The following SNAPC2 variants were observed in gnomAD, a reference collection of about 807,000 sequenced individuals.
SNAPC2 encodes the protein small nuclear RNA activating complex polypeptide 2, also known as snRNA-activating protein complex subunit 2.
SNAPC2 carries 27 observed loss-of-function variants against 22.9 expected under a neutral mutation model. The observed-to-expected ratio is 1.18, with a 90% CI of 0.87 to 1.63. SNAPC2 has a LOEUF of 1.63. SNAPC2 is among the 40% of genes most tolerant of loss of function. The pLI is 0.00. For missense variants in SNAPC2, 570 were observed against 449.1 expected (o/e 1.27, Z -2.43); for synonymous variants, 272 against 201.0 (o/e 1.35, Z -2.99).
In SNAPC2 at chr19:7,922,648, G is replaced by C; in HGVS notation, c.889G>C (p.Glu297Gln). 6.8e-6 allele frequency: 11 copies of C among 1,613,638 alleles called. No homozygotes were observed. The highest frequency in any genetic ancestry group is 9.3e-6 in the Non-Finnish European group (11 of 1,179,958). ...ACCAGAGGAGACCCCCCCAGCCACC[G>C]AGAAGGCCGAGCACAGCGAACTGAA... ...KAPEETPPAT[E>Q]KAEHSELKSP... Residue 297 changes from glutamate to glutamine, a missense_variant, in exon 5 of 5, where the codon GAG (glutamate) becomes CAG (glutamine). Transcript: ENST00000221573.
chr19:7,921,290 C>A, intron 1 of SNAPC2, 133 bp from the exon 2 acceptor site: 1 of 1,490,386 alleles, frequency 6.7e-7, no homozygotes, highest in Non-Finnish European at 9.1e-7. Context: ...GTCACTGGGA[C>A]TCCTAACACC....
rs761947467 is a variant in SNAPC2 at position 7,922,331 on chromosome 19, C to T, written c.669C>T (p.Pro223=). The T allele has an allele frequency of 3.5e-5, 57 of 1,613,282 alleles. No homozygotes were observed. The highest frequency in any genetic ancestry group is 4.5e-5 in the East Asian group (2 of 44,882). Residue 223 remains proline, a synonymous_variant, in exon 4 of 5, where the codon CCC becomes CCT. Transcript: ENST00000221573. ...CTGTCTCCCGAAGTGGCCGCAGCCC[C>T]GAGCTCTCAGCAGCTGGTGAGAAGG... is the stretch of plus-strand genomic sequence containing the variant. ...LSSVSRSGRS[P]ELSAAESAVV...
chr19:7,922,831 C>T lies in SNAPC2; in HGVS notation c.*67C>T, dbSNP rs1983635146. On this transcript the variant is annotated 3_prime_UTR_variant, in exon 5 of 5. Transcript: ENST00000221573. ...GCCCCTCGGTTCTGCTCGGCTGGCC[C>T]TGGCTCTTTCTGAGGATCCCGTCAT... is the stretch of plus-strand genomic sequence containing the variant. 3 of 1,276,874 alleles carry T rather than the reference C, an allele frequency of 2.3e-6. No individual in the cohort carries two copies. Among genetic ancestry groups the T allele is most frequent in the South Asian group, 1.4e-5 (1 of 69,254 alleles). The allele number at this position is 1,276,874 out of a possible 1,614,324, so 79.1% of individuals were successfully genotyped here. A position where few individuals can be genotyped will look rare whatever the true frequency, so the allele number is the denominator to read the frequency against.
Position 7,922,078 on chromosome 19 carries a change from C to G in SNAPC2, c.416C>G (p.Ser139Cys), listed in dbSNP as rs753725949. Residue 139 changes from serine to cysteine, a missense_variant, in exon 4 of 5, where the codon TCC (serine) becomes TGC (cysteine). Physicochemically the swap from Ser to Cys is moderately radical, Grantham distance 112. Coordinates refer to ENST00000221573, the MANE Select transcript of SNAPC2 (RefSeq NM_003083.4). ...ACGGAACCGGTCACCCTCCTGCACT[C>G]CAAGCCCCCCAAGCCCACGCAGGCC... The part of the protein sequence containing the change: ...AATEPVTLLH[S>C]KPPKPTQARG... The G allele has an allele frequency of 3.5e-5, 57 of 1,613,402 alleles. No individual in the cohort carries two copies. The highest frequency in any genetic ancestry group is 4.4e-5 in the Non-Finnish European group (52 of 1,179,690).
Position 7,922,554 on chromosome 19 carries a change from C to CT in SNAPC2, c.795_796insT (p.Pro266SerfsTer97), listed in dbSNP as rs762898647. 1 of 1,613,330 alleles carries CT rather than the reference C, an allele frequency of 6.2e-7. No homozygotes were observed. Among genetic ancestry groups the CT allele is most frequent in the South Asian group, 1.1e-5 (1 of 91,050 alleles). ...CGGAGACGTACCTACGCCTGACAGC[C>CT]CCCCAGCCCATTCCCGCTGGAGGGA... On this transcript the variant is annotated frameshift_variant, in exon 5 of 5. Coordinates refer to ENST00000221573, the MANE Select transcript of SNAPC2 (RefSeq NM_003083.4). LOFTEE classifies it low-confidence loss of function (END_TRUNC).
Position 7,922,280 on chromosome 19 carries a change from T to C in SNAPC2, c.618T>C (p.Phe206=), listed in dbSNP as rs752065654. Residue 206 remains phenylalanine (F), a synonymous_variant, in exon 4 of 5, where the codon TTT becomes TTC. Transcript: ENST00000221573. ...CTGAAGAAGACTTTGCTGTGGACTT[T>C]GAGAAGATCTACAAGTACTTGTCCT... is the stretch of plus-strand genomic sequence containing the variant. ...PSTEEDFAVD[F]EKIYKYLSSV... The C allele has an allele frequency of 1.9e-6, 3 of 1,613,842 alleles. No homozygotes were observed. The highest frequency in any genetic ancestry group is 2.5e-6 in the Non-Finnish European group (3 of 1,180,008).
At position 7,922,825 on chromosome 19, in the gene SNAPC2, C is replaced by A; in HGVS notation, c.*61C>A. 1 of 1,310,470 alleles carries A rather than the reference C, an allele frequency of 7.6e-7. No individual in the cohort carries two copies. The highest frequency in any genetic ancestry group is 1.0e-6 in the Non-Finnish European group (1 of 955,852). 81.2% of individuals were successfully genotyped at this position (1,310,470 alleles called of 1,614,324 possible). A position where few individuals can be genotyped will look rare whatever the true frequency, so the allele number is the denominator to read the frequency against. On this transcript the variant is annotated 3_prime_UTR_variant, in exon 5 of 5. Transcript: ENST00000221573. ...CGCCCTGCCCCTCGGTTCTGCTCGG[C>A]TGGCCCTGGCTCTTTCTGAGGATCC...
At chr19:7,921,592 T>A in intron 2 of SNAPC2, 50 bp downstream of exon 2, 1 of 1,602,382 alleles carries the variant, frequency 6.2e-7, no homozygotes, top group Non-Finnish European at 8.5e-7. Context: ...CCCTGGTGGG[T>A]AGGTGGGAGT....
rs754705554 is a variant in SNAPC2 at position 7,921,704 on chromosome 19, G to A, written c.304-1G>A. On this transcript the variant is annotated splice_acceptor_variant, in intron 2 of 4. Coordinates refer to ENST00000221573, the MANE Select transcript of SNAPC2 (RefSeq NM_003083.4). LOFTEE classifies it high-confidence loss of function. Reference sequence around the variant, plus strand: ...GACCCTGTACCTCTGGCTTCACTCAGGTCTGGACGGATCTGGCTGAGAAGA... The same window carrying A: ...GACCCTGTACCTCTGGCTTCACTCAAGTCTGGACGGATCTGGCTGAGAAGA... 1.2e-5 allele frequency: 19 copies of A among 1,613,596 alleles called. No individual in the cohort carries two copies. Among genetic ancestry groups the A allele is most frequent in the African/African-American group, 5.3e-5 (4 of 74,914 alleles).
At position 7,922,653 on chromosome 19, in the gene SNAPC2, GGCCGAGCACAGCGAA is replaced by G; in HGVS notation, c.895_909del (p.Ala299_Glu303del). ...AGGAGACCCCCCCAGCCACCGAGAA[GGCCGAGCACAGCGAA>G]CTGAAATCGCCTTGGCAAGCAGCTG... On this transcript the variant is annotated inframe_deletion, in exon 5 of 5. Coordinates refer to ENST00000221573, the MANE Select transcript of SNAPC2 (RefSeq NM_003083.4). The G allele has an allele frequency of 6.2e-7, 1 of 1,613,708 alleles. No individual in the cohort carries two copies. The highest frequency in any genetic ancestry group is 8.5e-7 in the Non-Finnish European group (1 of 1,179,956).
Position 7,921,345 on chromosome 19 carries a change from C to G in SNAPC2, c.184-78C>G, listed in dbSNP as rs1437491004. ...GCGCAGTAGCGGGGCCCAGAGCATA[C>G]AAGGGATTGGGCTTTGGCTTCTCTG... On this transcript the variant is annotated intron_variant, in intron 1 of 4. Transcript: ENST00000221573. The G allele has an allele frequency of 5.0e-6, 8 of 1,604,988 alleles. No individual in the cohort carries two copies. In the African/African-American group the frequency reaches 6.7e-5, roughly 13 times the overall value.
Position 7,920,349 on chromosome 19 carries a change from T to TA in SNAPC2, c.-18_-17insA. Reference sequence around the variant, plus strand: ...ATCGGAGAAGCGACCTTACAGCGCCTGCCTCTTTCTGAGCGGCATGAAGCC... The same window carrying TA: ...ATCGGAGAAGCGACCTTACAGCGCCTAGCCTCTTTCTGAGCGGCATGAAGCC... On this transcript the variant is annotated 5_prime_UTR_variant, in exon 1 of 5. Coordinates refer to ENST00000221573, the MANE Select transcript of SNAPC2 (RefSeq NM_003083.4). 1 of 1,556,268 alleles carries TA rather than the reference T, an allele frequency of 6.4e-7. No individual in the cohort carries two copies. Among genetic ancestry groups the TA allele is most frequent in the African/African-American group, 1.4e-5 (1 of 70,678 alleles).
At chr19:7,921,914 C>T (rs1174283637) in intron 3 of SNAPC2, 121 bp from the exon 4 acceptor site, 3 of 1,381,542 alleles carry the variant, frequency 2.2e-6, no homozygotes, top group Non-Finnish European at 3.0e-6. Context: ...CTCAGTGTCC[C>T]TGGCTCTGAG....
rs1036300266 is a variant in SNAPC2 at position 7,922,987 on chromosome 19, C to T, written c.*223C>T. On this transcript the variant is annotated 3_prime_UTR_variant, in exon 5 of 5. Transcript: ENST00000221573. Reference sequence around the variant, plus strand: ...GGGGTTGCAGGACTCCACTCACAAGCCTCCTGATGTCAAGGACAGGCGGAC... The same window carrying T: ...GGGGTTGCAGGACTCCACTCACAAGTCTCCTGATGTCAAGGACAGGCGGAC... 3 of 504,774 alleles carry T rather than the reference C, an allele frequency of 5.9e-6. No homozygotes were observed. The highest frequency in any genetic ancestry group is 3.2e-5 in the South Asian group (1 of 31,182). The allele number at this position is 504,774 out of a possible 1,614,324, so 31.3% of individuals were successfully genotyped here.
At chr19:7,920,698 A>C in intron 1 of SNAPC2, 149 bp downstream of exon 1, 1 of 102,746 alleles carries the variant, frequency 9.7e-6, no homozygotes, top group Non-Finnish European at 1.6e-5. Context: ...GCGGGGCGTT[A>C]GTGGGTGAGC....
chr19:7,921,319 G>A, intron 1 of SNAPC2, 104 bp from the exon 2 acceptor site: 1 of 1,570,072 alleles, frequency 6.4e-7, no homozygotes. Flanking sequence ...AGGAGACTAA[G>A]GCGCAGTAGC....
chr19:7,920,958 G>A (rs1983545692), intron 1 of SNAPC2: 2 of 1,111,688 alleles, frequency 1.8e-6, no homozygotes, highest in Non-Finnish European at 2.2e-6. Context: ...TAAGGCGTGG[G>A]AGGGGCGTGG....
In SNAPC2 at chr19:7,922,150, C is replaced by T. The variant is rs1568289288; in HGVS notation, c.488C>T (p.Pro163Leu). 6.2e-7 allele frequency: 1 copy of T among 1,614,050 alleles called. No homozygotes were observed. Among genetic ancestry groups the T allele is most frequent in the Non-Finnish European group, 8.5e-7 (1 of 1,180,006 alleles). Residue 163 changes from proline (P) to leucine (L), a missense_variant, in exon 4 of 5, where the codon CCC becomes CTC. Physicochemically the swap from Pro to Leu is moderately conservative, Grantham distance 98. Coordinates refer to ENST00000221573, the MANE Select transcript of SNAPC2 (RefSeq NM_003083.4). ...AGCGCCCCTGGAGGACAGGAAGACCCCGCCCCTGAAATACCTAGCTCTGCC... is the reference window on the plus strand; with the variant it reads ...AGCGCCCCTGGAGGACAGGAAGACCTCGCCCCTGAAATACCTAGCTCTGCC... ...LLSAPGGQED[P>L]APEIPSSAPA...
intron 1 of SNAPC2, chr19:7,920,819 G>T: frequency 3.9e-6 from 2 of 510,060 alleles, no homozygotes; most frequent in Non-Finnish European, 5.8e-6. Flanking sequence ...GCGGGGCGAT[G>T]CCGGGGGCGG....
Sources: gnomAD v4.1 joint callset for allele counts on GRCh38, gnomAD v4.1.1 for gene constraint, MANE v1.5 for transcripts, NCBI Gene and HGNC (gene_info 2026-07-23, HGNC 2026-07-21) for gene names.